TNC: variants seen among roughly 807,000 people sequenced by gnomAD.
TNC encodes tenascin C.
A neutral mutation model predicts 202.4 loss-of-function variants in TNC; 109 were observed. The ratio of observed to expected loss-of-function variants is 0.54; its 90% CI spans 0.46 to 0.63. The LOEUF is 0.63. Ranked by LOEUF, TNC falls within the 30% of genes least tolerant of loss-of-function variation. The pLI is 0.00. For missense variants in TNC, 2,756 were observed against 2,833.3 expected (o/e 0.97, Z 0.62); for synonymous variants, 1,007 against 1,089.7 (o/e 0.92, Z 1.50).
intron 10 of TNC, among the ~76,000 whole-genome samples, chr9:115,066,214 G>A (rs141920272): frequency 4.7e-4 from 71 of 152,276 alleles, no homozygotes; most frequent in African/African-American, 1.4e-3. Context: ...ACGAAATTCC[G>A]TAAAAACTCA....
intron 27 of TNC, 55 bp downstream of exon 27, chr9:115,023,918 A>G: frequency 6.3e-7 from 1 of 1,576,726 alleles, no homozygotes; most frequent in Admixed American, 1.7e-5. Context: ...TACTTCCATT[A>G]GCCCCCTCCA....
chr9:115,086,462 A>G lies in TNC; in HGVS notation c.1269T>C (p.Cys423=). Residue 423 remains cysteine (C), a synonymous_variant, in exon 3 of 28, where the codon TGT becomes TGC. Transcript: ENST00000350763. ...SGHGRCVNGQ[C]VCDEGYTGED... ...CCCCAGTATAGCCCTCATCACACAC[A>G]CACTGCCCATTGACACAGCGGCCAT... 1.2e-6 allele frequency: 2 copies of G among 1,612,500 alleles called. No individual in the cohort carries two copies. The highest frequency in any genetic ancestry group is 1.7e-6 in the Non-Finnish European group (2 of 1,179,536).
chr9:115,059,732 G>A lies in TNC; in HGVS notation c.4304C>T (p.Thr1435Ile), dbSNP rs747773235. Residue 1435 changes from threonine (T) to isoleucine (I), a missense_variant and splice_region_variant, in exon 14 of 28, where the codon ACA becomes ATA. This residue lies in a region of TNC where 2,559 missense variants were observed against 2,546.0 expected (regional missense o/e 1.01). Transcript: ENST00000350763. ...RTPVLSAEAS[T>I]AKEPEIGNLN... ...GCATTGACAGGGAGAGGAAGTACCT[G>A]TGGAGGCCTCAGCAGAGAGTACTGG... 25 of 1,589,726 alleles carry A rather than the reference G, an allele frequency of 1.6e-5. No homozygotes were observed. The highest frequency in any genetic ancestry group is 1.4e-5 in the Non-Finnish European group (16 of 1,165,810).
Position 115,084,334 on chromosome 9 carries a change from C to A in TNC, c.2006G>T (p.Arg669Leu). The change falls in exon 4 of 28, where the codon CGT becomes CTT. Residue 669 changes from arginine to leucine, a missense_variant. By Grantham distance (102) the Arg-to-Leu change is moderately radical (BLOSUM62 -2). Coordinates refer to ENST00000350763, the MANE Select transcript of TNC (RefSeq NM_002160.4). ...THEGGLEMQF[R>L]VPGDQTSTII... ...GGTGGACGTCTGGTCCCCAGGCACA[C>A]GGAACTGCATTTCCAGACCACCCTC... 6.2e-7 allele frequency: 1 copy of A among 1,614,188 alleles called. No homozygotes were observed. The highest frequency in any genetic ancestry group is 8.5e-7 in the Non-Finnish European group (1 of 1,180,032).
chr9:115,023,949 T>C (rs2131489783), intron 27 of TNC, 24 bp downstream of exon 27: 2 of 1,608,746 alleles, frequency 1.2e-6, no homozygotes, highest in East Asian at 2.2e-5. Flanking sequence ...CTTGGCCTGC[T>C]CTGGGCCCTC....
Position 115,091,026 on chromosome 9 carries a change from G to A in TNC, c.-8C>T, listed in dbSNP as rs1304070101. The stretch of plus-strand genomic sequence containing the variant: ...CTGAGTCATGGCCCCCATGGTGGAG[G>A]TGGGTTTGGCTGGGTGCTGCTGGGG... On this transcript the variant is annotated 5_prime_UTR_variant, in exon 2 of 28. Transcript: ENST00000350763. The A allele has an allele frequency of 6.2e-7, 1 of 1,606,758 alleles. No homozygotes were observed. The highest frequency in any genetic ancestry group is 1.1e-5 in the South Asian group (1 of 91,060).
Position 115,062,287 on chromosome 9 carries a change from G to A in TNC, c.4033+630C>T, listed in dbSNP as rs553241186. On this transcript the variant is annotated intron_variant, in intron 13 of 27. Transcript: ENST00000350763. ...ATTGCTGATTTAAAGATACAAAAAG[G>A]AGGCTCAGGGATGTAAAGAAATATA... is the stretch of plus-strand genomic sequence containing the variant. 3.3e-5 allele frequency among the ~76,000 whole-genome samples: 5 copies of A among 152,220 alleles called. No individual in the cohort carries two copies. The South Asian group carries it at 1.0e-3, about 32-fold the overall frequency.
In TNC at chr9:115,046,625, C is replaced by T. The variant is rs974217428; in HGVS notation, c.4910G>A (p.Arg1637His). The T allele has an allele frequency of 7.4e-6, 12 of 1,613,802 alleles. No individual in the cohort carries two copies. In the African/African-American group the frequency reaches 1.2e-4, roughly 16 times the overall value. ...LVSDATPDGF[R>H]LSWTADEGVF... ...CCCTTCATCAGCTGTCCAGGACAGA[C>T]GGAAACCGTCTGGGGTGGCATCTGA... The change falls in exon 17 of 28, where the codon CGT becomes CAT. Residue 1637 changes from arginine to histidine, a missense_variant. Physicochemically the swap from Arg to His is conservative, Grantham distance 29. Transcript: ENST00000350763.
rs1830300565 is a variant in TNC at position 115,036,080 on chromosome 9, C to G, written c.5656+18G>C. 6.2e-7 allele frequency: 1 copy of G among 1,613,802 alleles called. No homozygotes were observed. Among genetic ancestry groups the G allele is most frequent in the African/African-American group, 1.3e-5 (1 of 74,924 alleles). On this transcript the variant is annotated intron_variant, in intron 21 of 27. Coordinates refer to ENST00000350763, the MANE Select transcript of TNC (RefSeq NM_002160.4). ...GCACCCCAGAAGGGAGAGCTTCCAG[C>G]TCTCAGTGTCTTTGTACCTGTTGTG...
intron 1 of TNC, among the ~76,000 whole-genome samples, chr9:115,108,589 A>G (rs752009341): frequency 6.6e-6 from 1 of 152,182 alleles, no homozygotes; most frequent in Non-Finnish European, 1.5e-5. Flanking sequence ...CTTAGCAAAT[A>G]TCACTACCTG....
intron 4 of TNC, among the ~76,000 whole-genome samples, chr9:115,083,493 A>C (rs1289896426): frequency 6.6e-6 from 1 of 152,162 alleles, no homozygotes; most frequent in African/African-American, 2.4e-5. Flanking sequence ...TGTTAGCTGC[A>C]TGACTTGGGA....
Position 115,101,345 on chromosome 9 carries a change from G to T in TNC, c.-136-10191C>A, listed in dbSNP as rs144918614. Among the ~76,000 whole-genome samples the T allele has an allele frequency of 6.6e-5, 10 of 152,296 alleles. No individual in the cohort carries two copies. The East Asian group carries it at 1.9e-3, about 29-fold the overall frequency. On this transcript the variant is annotated intron_variant, in intron 1 of 27. Transcript: ENST00000350763. ...TCTTGTCTCAGCCTCCTGAGTAGCTGTGATTACAGGTGCCCACCACCACGC... is the reference window on the plus strand; with the variant it reads ...TCTTGTCTCAGCCTCCTGAGTAGCTTTGATTACAGGTGCCCACCACCACGC...
chr9:115,080,895 G>GA (rs35253785), intron 6 of TNC, among the ~76,000 whole-genome samples: 5,529 of 135,990 alleles, frequency 0.041, 429 homozygotes, highest in East Asian at 0.38. Context: ...CTGGGTGACA[G>GA]AAAAAAAAAA....
intron 1 of TNC, among the ~76,000 whole-genome samples, chr9:115,105,898 G>A (rs953146007): frequency 1.3e-5 from 2 of 152,090 alleles, no homozygotes; most frequent in African/African-American, 4.8e-5. Context: ...TGGAAATCTC[G>A]AAGAAGGGGA....
At chr9:115,043,391 C>A (rs992007021) in intron 17 of TNC, among the ~76,000 whole-genome samples, 1 of 152,084 alleles carries the variant, frequency 6.6e-6, no homozygotes, top group South Asian at 2.1e-4. Flanking sequence ...TTGCCCTGCC[C>A]ATGGAAAGTT....
Position 115,021,276 on chromosome 9 carries a change from AAAAAAAAAG to A in TNC, c.6496-18_6496-10del. Reference sequence around the variant, plus strand: ...TGGAACCAGTTAACGCCCTGTTAAAAAAAAAAAAGAGAGAGAGAGAGAGAGAGAGAAGGC... The same window carrying A: ...TGGAACCAGTTAACGCCCTGTTAAAAAGAGAGAGAGAGAGAGAGAGAAGGC... On this transcript the variant is annotated splice_polypyrimidine_tract_variant and intron_variant, in intron 27 of 27. Coordinates refer to ENST00000350763, the MANE Select transcript of TNC (RefSeq NM_002160.4). 2 of 1,601,526 alleles carry A rather than the reference AAAAAAAAAG, an allele frequency of 1.2e-6. No individual in the cohort carries two copies. The highest frequency in any genetic ancestry group is 2.2e-5 in the South Asian group (2 of 89,838).
chr9:115,074,096 T>C (rs1419861702), intron 9 of TNC, among the ~76,000 whole-genome samples: 1 of 152,172 alleles, frequency 6.6e-6, no homozygotes. Context: ...AATAATGTCA[T>C]GGAATATCCA....
At chr9:115,088,821 G>A (rs1233780646) in intron 2 of TNC, among the ~76,000 whole-genome samples, 1 of 151,932 alleles carries the variant, frequency 6.6e-6, no homozygotes. Context: ...TGTTCTGTAA[G>A]TGTAAAATAC....
rs199741646 is a variant in TNC, at chr9:115,086,781, T to C, written c.950A>G (p.Asn317Ser). Reference sequence around the variant, plus strand: ...GCAGCGGCCCCGGTCGAAGCAGTCATTGGGGCAGATGAGCTCACTGCAGTC... The same window carrying C: ...GCAGCGGCCCCGGTCGAAGCAGTCACTGGGGCAGATGAGCTCACTGCAGTC... ...GEDCSELICP[N>S]DCFDRGRCIN... The change falls in exon 3 of 28, where the codon AAT becomes AGT. Residue 317 changes from asparagine (N) to serine (S), a missense_variant. Physicochemically the swap from Asn to Ser is conservative, Grantham distance 46. This residue lies in a region of TNC where 2,559 missense variants were observed against 2,546.0 expected (regional missense o/e 1.01). Coordinates refer to ENST00000350763, the MANE Select transcript of TNC (RefSeq NM_002160.4). The C allele has an allele frequency of 6.5e-5, 105 of 1,613,986 alleles. 1 individual carries two copies. Among genetic ancestry groups the C allele is most frequent in the East Asian group, 2.5e-4 (11 of 44,882 alleles).
Sources: gnomAD v4.1 joint callset for allele counts (sites outside exome capture counted in the v4.1 genomes callset) on GRCh38, gnomAD v4.1.1 for gene constraint, gnomAD v4.1.1 regional missense constraint, MANE v1.5 for transcripts, NCBI Gene and HGNC (gene_info 2026-07-23, HGNC 2026-07-21) for gene names.